Variants in QSOX2 observed in about 807,000 individuals in gnomAD.
QSOX2 encodes the protein sulfhydryl oxidase 2.
Under a neutral mutation model 61.7 loss-of-function variants are expected in QSOX2, and 46 were observed. That is an observed-to-expected ratio of 0.75 (90% confidence interval 0.59 to 0.95). The LOEUF (loss-of-function observed/expected upper bound fraction) is 0.95, where lower values mean the gene tolerates loss of function less well. Among genes scored for constraint, QSOX2 ranks in the 40% least tolerant of loss-of-function variants. The pLI is 0.00. For missense variants in QSOX2, 879 were observed against 918.9 expected, an observed-to-expected ratio of 0.96 and a Z score of 0.56; for synonymous variants, 383 against 388.4, an observed-to-expected ratio of 0.99 and a Z score of 0.16.
At chr9:136,241,041 ACT>A (rs1830429431) in intron 1 of QSOX2, among the ~76,000 whole-genome samples, 1 of 152,076 alleles carries the variant, frequency 6.6e-6, no homozygotes, top group Non-Finnish European at 1.5e-5. Flanking sequence ...ATCCCGTCTT[ACT>A]TCAACAACAA....
chr9:136,211,223 C>A (rs774415774), intron 11 of QSOX2, 41 bp downstream of exon 11: 6 of 1,600,830 alleles, frequency 3.7e-6, no homozygotes, highest in Non-Finnish European at 5.1e-6. Flanking sequence ...CAGGGCCTCC[C>A]TCCGCCCGTG....
chr9:136,235,720 C>T (rs4842133), intron 1 of QSOX2, among the ~76,000 whole-genome samples: 5 of 152,146 alleles, frequency 3.3e-5, no homozygotes, highest in Admixed American at 1.3e-4. Flanking sequence ...CTCTCCCTCG[C>T]GCTGGGTCAC....
At chr9:136,245,367 G>A in intron 1 of QSOX2, 109 bp downstream of exon 1, 1 of 914,388 alleles carries the variant, frequency 1.1e-6, no homozygotes, top group Non-Finnish European at 1.6e-6. Flanking sequence ...GGTAAGGAAA[G>A]AAATACGGGG....
At position 136,208,739 on chromosome 9, in the gene QSOX2, G is replaced by C. The variant is rs769464649; in HGVS notation, c.2086C>G (p.Pro696Ala). 15 of 1,608,238 alleles carry C rather than the reference G, an allele frequency of 9.3e-6. No individual in the cohort carries two copies. Among genetic ancestry groups the C allele is most frequent in the Non-Finnish European group, 2.6e-6 (3 of 1,175,966 alleles). ...SRRWKVKHHH[P>A]AV ...CAGCACCCGGGCACTCACACGGCCG[G>C]GTGGTGGTGCTTGACCTTCCACCGC... Residue 696 changes from proline to alanine, a missense_variant, in exon 12 of 12, where the codon CCG becomes GCG. By Grantham distance (27) the Pro-to-Ala change is conservative. Coordinates refer to ENST00000358701, the MANE Select transcript of QSOX2 (RefSeq NM_181701.4).
At chr9:136,234,168 A>T (rs908304508) in intron 1 of QSOX2, among the ~76,000 whole-genome samples, 2 of 152,086 alleles carry the variant, frequency 1.3e-5, no homozygotes, top group African/African-American at 2.4e-5. Context: ...CCTGAGCAGA[A>T]GGCCTACTTC....
chr9:136,215,388 T>TGG (rs920393651), intron 9 of QSOX2, 84 bp from the exon 10 acceptor site: 1 of 681,008 alleles, frequency 1.5e-6, no homozygotes. Flanking sequence ...CCTTCTTGAC[T>TGG]GGGGGGGGTG....
intron 11 of QSOX2, chr9:136,210,495 G>A: frequency 1.0e-6 from 1 of 985,464 alleles, no homozygotes; most frequent in African/African-American, 1.7e-5. Flanking sequence ...GGAGCTCTGT[G>A]GGCGGCGGCG....
At position 136,222,490 on chromosome 9, in the gene QSOX2, C is replaced by G. The variant is rs1431038170; in HGVS notation, c.676-549G>C. On this transcript the variant is annotated intron_variant, in intron 5 of 11. Coordinates refer to ENST00000358701, the MANE Select transcript of QSOX2 (RefSeq NM_181701.4). The surrounding 1 kb of genome is among the most constrained non-coding windows in gnomAD (Gnocchi z 6.9). ...GTGCGCCACCACCACATCGGGCGTA[C>G]GTCTTTCCTTCTCTTAACAGAGGAA... 6.6e-6 allele frequency among the ~76,000 whole-genome samples: 1 copy of G among 152,232 alleles called. No homozygotes were observed. Among genetic ancestry groups the G allele is most frequent in the Non-Finnish European group, 1.5e-5 (1 of 68,046 alleles).
rs763810862 is a variant in QSOX2, at chr9:136,223,759, G to A, written c.675+4C>T. On this transcript the variant is annotated splice_donor_region_variant and intron_variant, in intron 5 of 11. Coordinates refer to ENST00000358701, the MANE Select transcript of QSOX2 (RefSeq NM_181701.4). This position sits in a 1 kb window ranked among gnomAD's most constrained non-coding sequence, Gnocchi z 4.4. The stretch of plus-strand genomic sequence containing the variant: ...GACACCTGGAGCCCACGCAGAGGCC[G>A]TACCTCCCGTCCAAGGTAGGAGCTG... The A allele has an allele frequency of 3.9e-5, 63 of 1,612,716 alleles. No homozygotes were observed. The highest frequency in any genetic ancestry group is 6.7e-5 in the Admixed American group (4 of 59,942).
chr9:136,211,253 G>T lies in QSOX2; in HGVS notation c.1549+11C>A, dbSNP rs1831840395. On this transcript the variant is annotated intron_variant, in intron 11 of 11. Coordinates refer to ENST00000358701, the MANE Select transcript of QSOX2 (RefSeq NM_181701.4). Reference sequence around the variant, plus strand: ...CCCGTGCTGAGCCCCCCATGCCCAGGGGCTTCTCACCTGCCAGGCGGCCGT... The same window carrying T: ...CCCGTGCTGAGCCCCCCATGCCCAGTGGCTTCTCACCTGCCAGGCGGCCGT... 1 of 1,613,078 alleles carries T rather than the reference G, an allele frequency of 6.2e-7. No homozygotes were observed. Among genetic ancestry groups the T allele is most frequent in the South Asian group, 1.1e-5 (1 of 91,074 alleles).
Position 136,208,845 on chromosome 9 carries a change from G to A in QSOX2, c.1980C>T (p.Asp660=). The change falls in exon 12 of 12, where the codon GAC becomes GAT. Residue 660 remains aspartate (D), a synonymous_variant. Coordinates refer to ENST00000358701, the MANE Select transcript of QSOX2 (RefSeq NM_181701.4). ...CGTACAGCACGACACAGAGACTCAT[G>A]TCCAGGCTGGAGAAGTCAACCCCGA... ...PFLGVDFSSL[D]MSLCVVLYVA... 1 of 1,614,084 alleles carries A rather than the reference G, an allele frequency of 6.2e-7. No homozygotes were observed. The highest frequency in any genetic ancestry group is 8.5e-7 in the Non-Finnish European group (1 of 1,180,034).
Position 136,223,917 on chromosome 9 carries a change from C to G in QSOX2, c.585-64G>C, listed in dbSNP as rs1830253049. ...CAGCAGCGAGTTGGCCACCACATCC[C>G]AGTGGCCACATCACTTAATAGAAAC... On this transcript the variant is annotated intron_variant, in intron 4 of 11. Transcript: ENST00000358701. This position sits in a 1 kb window ranked among gnomAD's most constrained non-coding sequence, Gnocchi z 4.4. 1.3e-6 allele frequency: 2 copies of G among 1,554,142 alleles called. No individual in the cohort carries two copies. Among genetic ancestry groups the G allele is most frequent in the East Asian group, 2.2e-5 (1 of 44,584 alleles).
chr9:136,213,916 A>C (rs1433954122), intron 10 of QSOX2, among the ~76,000 whole-genome samples: 1 of 152,220 alleles, frequency 6.6e-6, no homozygotes, highest in Non-Finnish European at 1.5e-5. Flanking sequence ...CTCACAGAAG[A>C]ACCGCCCAGC....
intron 1 of QSOX2, among the ~76,000 whole-genome samples, chr9:136,240,900 T>C (rs1204374711): frequency 6.6e-6 from 1 of 152,212 alleles, no homozygotes; most frequent in Non-Finnish European, 1.5e-5. Context: ...GGAATGACAG[T>C]CCCTCAGCCC....
intron 1 of QSOX2, among the ~76,000 whole-genome samples, chr9:136,237,440 G>A (rs918388302): frequency 1.3e-5 from 2 of 149,804 alleles, no homozygotes. Context: ...CCCGTCCTGT[G>A]CCACACCTGG....
intron 2 of QSOX2, among the ~76,000 whole-genome samples, chr9:136,225,545 C>T (rs1354479465): frequency 6.6e-6 from 1 of 152,246 alleles, no homozygotes; most frequent in African/African-American, 2.4e-5. Context: ...CAAACGAAGC[C>T]GCCAGTGCTT....
intron 1 of QSOX2, among the ~76,000 whole-genome samples, chr9:136,240,599 G>A (rs1830426486): frequency 6.6e-6 from 1 of 152,202 alleles, no homozygotes; most frequent in Non-Finnish European, 1.5e-5. Flanking sequence ...TCTTAGCTAA[G>A]CTCCAAGTTC....
At chr9:136,211,481 G>GGCACC in intron 10 of QSOX2, 29 bp from the exon 11 acceptor site, 1 of 1,607,490 alleles carries the variant, frequency 6.2e-7, no homozygotes, top group Non-Finnish European at 8.5e-7. Flanking sequence ...TGCTGACAAC[G>GGCACC]GCAGGTGCGT....
chr9:136,239,954 G>T (rs1830421598), intron 1 of QSOX2, among the ~76,000 whole-genome samples: 1 of 152,256 alleles, frequency 6.6e-6, no homozygotes, highest in African/African-American at 2.4e-5. Context: ...AAAAGGCTTA[G>T]CTTCAGGGCA....
Sources: gnomAD v4.1 joint callset for allele counts (sites outside exome capture counted in the v4.1 genomes callset) on GRCh38, gnomAD v4.1.1 for gene constraint, Gnocchi (gnomAD v3.1) non-coding constraint, MANE v1.5 for transcripts, NCBI Gene and HGNC (gene_info 2026-07-23, HGNC 2026-07-21) for gene names.